Variants in TCF12 observed in about 807,000 individuals in gnomAD.
The protein encoded by TCF12 is transcription factor 12, also known as DNA-binding protein HTF4.
Under a neutral mutation model 86.0 loss-of-function variants are expected in TCF12, and 45 were observed. That is an observed-to-expected ratio of 0.52 (90% CI 0.41 to 0.67). TCF12 has a LOEUF of 0.67. Ranked by LOEUF, TCF12 falls within the 30% of genes least tolerant of loss-of-function variation. The probability of loss-of-function intolerance (pLI) is 0.00; values close to 1 mark genes in which losing one functional copy is unlikely to be tolerated. For synonymous variants in TCF12, 330 were observed against 299.6 expected (o/e 1.10, Z -1.05); for missense variants, 881 against 859.9 (o/e 1.02, Z -0.31).
intron 3 of TCF12, among the ~76,000 whole-genome samples, chr15:56,980,572 A>T (rs1330814720): frequency 6.6e-6 from 1 of 152,336 alleles, no homozygotes; most frequent in East Asian, 1.9e-4. Flanking sequence ...TTGTTGTTGT[A>T]GTACAAAACA....
At chr15:57,260,809 C>T (rs1283522157) in intron 16 of TCF12, among the ~76,000 whole-genome samples, 4 of 152,200 alleles carry the variant, frequency 2.6e-5, no homozygotes, top group Non-Finnish European at 5.9e-5. Flanking sequence ...CACCCTCATT[C>T]GTTAAGAATA....
intron 5 of TCF12, among the ~76,000 whole-genome samples, chr15:57,114,164 T>A (rs1371930971): frequency 6.6e-6 from 1 of 152,198 alleles, no homozygotes; most frequent in Non-Finnish European, 1.5e-5. Context: ...TATTACTCTT[T>A]GAAATAGGAG....
At position 57,102,043 on chromosome 15, in the gene TCF12, CTT is replaced by C. The variant is rs146133435; in HGVS notation, c.325+10153_325+10154del. Reference sequence around the variant, plus strand: ...AATCGTATAGGTACTTATATAGCTACTTAAACATGTAGGTAGTTATATGTTTA... The same window carrying C: ...AATCGTATAGGTACTTATATAGCTACAAACATGTAGGTAGTTATATGTTTA... On this transcript the variant is annotated intron_variant, in intron 5 of 20. Transcript: ENST00000333725. Among the ~76,000 whole-genome samples the C allele has an allele frequency of 7.3e-3, 1,092 of 149,286 alleles. 13 individuals are homozygous for C. The highest frequency in any genetic ancestry group is 0.025 in the African/African-American group (1,014 of 40,514).
intron 5 of TCF12, among the ~76,000 whole-genome samples, chr15:57,133,170 A>G (rs1362636270): frequency 6.6e-6 from 1 of 152,216 alleles, no homozygotes; most frequent in East Asian, 1.9e-4. Flanking sequence ...TTGCATGCCA[A>G]CTTTGATGTG....
intron 3 of TCF12, among the ~76,000 whole-genome samples, chr15:56,996,924 T>C (rs1451674703): frequency 6.6e-6 from 1 of 152,204 alleles, no homozygotes; most frequent in Non-Finnish European, 1.5e-5. Context: ...CACAATGAGA[T>C]ACCATTTCAT....
chr15:56,930,077 T>C (rs1321619864), intron 3 of TCF12, among the ~76,000 whole-genome samples: 2 of 152,212 alleles, frequency 1.3e-5, no homozygotes, highest in African/African-American at 4.8e-5. Context: ...GCTGATACAG[T>C]GAACACAGGT....
intron 3 of TCF12, among the ~76,000 whole-genome samples, chr15:56,927,450 A>T (rs1271706565): frequency 6.6e-6 from 1 of 152,046 alleles, no homozygotes; most frequent in Non-Finnish European, 1.5e-5. Context: ...ATGTTAGTTC[A>T]TTTATGTCCT....
At chr15:57,263,725 C>T (rs2060698719) in intron 18 of TCF12, among the ~76,000 whole-genome samples, 1 of 152,192 alleles carries the variant, frequency 6.6e-6, no homozygotes, top group Non-Finnish European at 1.5e-5. Flanking sequence ...AGTATACTTT[C>T]ACAAACCTAG....
intron 12 of TCF12, among the ~76,000 whole-genome samples, chr15:57,236,870 TAGAA>T (rs1179555313): frequency 6.6e-6 from 1 of 151,388 alleles, no homozygotes; most frequent in Non-Finnish European, 1.5e-5. Flanking sequence ...CTAGGGTAGA[TAGAA>T]GGAAAGGAAA....
intron 3 of TCF12, among the ~76,000 whole-genome samples, chr15:57,009,938 A>G (rs2064720396): frequency 6.6e-6 from 1 of 152,180 alleles, no homozygotes. Context: ...GGATTTATAT[A>G]TTTGAGGGTA....
At chr15:57,077,169 G>A (rs910555488) in intron 4 of TCF12, among the ~76,000 whole-genome samples, 9 of 152,152 alleles carry the variant, frequency 5.9e-5, no homozygotes, top group African/African-American at 1.7e-4. Flanking sequence ...TTTAAAACCA[G>A]TATGTCAGTT....
intron 5 of TCF12, among the ~76,000 whole-genome samples, chr15:57,110,691 A>C (rs1320174739): frequency 6.6e-6 from 1 of 152,188 alleles, no homozygotes; most frequent in Non-Finnish European, 1.5e-5. Flanking sequence ...CTATCTTTAC[A>C]GGTTGCTTGG....
intron 5 of TCF12, among the ~76,000 whole-genome samples, chr15:57,163,943 G>A (rs140454971): frequency 6.6e-6 from 1 of 152,116 alleles, no homozygotes; most frequent in Non-Finnish European, 1.5e-5. Flanking sequence ...GGCAGGTCCG[G>A]TTTCTAAATA....
intron 8 of TCF12, chr15:57,214,264 T>G (rs2058242157): frequency 6.6e-6 from 1 of 152,230 alleles, no homozygotes; most frequent in South Asian, 2.1e-4. Flanking sequence ...TATAGTTCTG[T>G]CTCATTTGAA....
At chr15:57,028,221 G>A (rs1379972887) in intron 3 of TCF12, among the ~76,000 whole-genome samples, 1 of 152,118 alleles carries the variant, frequency 6.6e-6, no homozygotes, top group East Asian at 1.9e-4. Context: ...GCCCGCTTTG[G>A]CCTCTCAAAG....
intron 5 of TCF12, among the ~76,000 whole-genome samples, chr15:57,165,393 ATATAT>A (rs1294337608): frequency 6.6e-6 from 1 of 152,186 alleles, no homozygotes; most frequent in Non-Finnish European, 1.5e-5. Flanking sequence ...ATCTGTTTAA[ATATAT>A]TAAATGCAAA....
intron 5 of TCF12, among the ~76,000 whole-genome samples, chr15:57,138,109 C>T (rs1161398527): frequency 6.6e-6 from 1 of 152,158 alleles, no homozygotes; most frequent in Non-Finnish European, 1.5e-5. Flanking sequence ...TAAGCCAGTT[C>T]TCTCCTTGGT....
At chr15:57,133,639 T>TC (rs397791812) in intron 5 of TCF12, among the ~76,000 whole-genome samples, 8 of 150,432 alleles carry the variant, frequency 5.3e-5, no homozygotes, top group Middle Eastern at 3.2e-3. Flanking sequence ...TTTTTTTTTT[T>TC]CCCATCTGTG....
intron 3 of TCF12, chr15:57,001,455 A>C (rs2064030498): frequency 5.7e-6 from 1 of 173,990 alleles, no homozygotes; most frequent in Non-Finnish European, 1.2e-5. Context: ...AATTAACAGC[A>C]ATTCGCTGAC....
Sources: allele counts gnomAD v4.1 joint callset (sites outside exome capture counted in the v4.1 genomes callset), GRCh38; gene constraint gnomAD v4.1.1; transcripts MANE v1.5; gene names NCBI Gene and HGNC (gene_info 2026-07-23, HGNC 2026-07-21).